DARS1: variants seen among roughly 807,000 people sequenced by gnomAD.
DARS1 encodes the protein aspartyl-tRNA synthetase 1, also known as aspartate--tRNA ligase, cytoplasmic.
A neutral mutation model predicts 68.8 loss-of-function variants in DARS1; 51 were observed. The ratio of observed to expected loss-of-function variants is 0.74; its 90% CI spans 0.59 to 0.94. DARS1 has a LOEUF of 0.94. Among genes scored for constraint, DARS1 ranks in the 40% least tolerant of loss-of-function variants. The pLI is 0.00. For synonymous variants in DARS1, 203 were observed against 190.4 expected, an observed-to-expected ratio of 1.07 and a Z score of -0.55; for missense variants, 607 against 597.3, an observed-to-expected ratio of 1.02 and a Z score of -0.17.
At chr2:135,959,183 G>C (rs1682043068) in intron 4 of DARS1, among the ~76,000 whole-genome samples, 2 of 151,716 alleles carry the variant, frequency 1.3e-5, no homozygotes, top group South Asian at 4.2e-4. Flanking sequence ...CCTGAGGTTG[G>C]GAGTTCAAGA....
At chr2:135,985,209 C>G in intron 1 of DARS1, 194 bp downstream of exon 1, 1 of 894,062 alleles carries the variant, frequency 1.1e-6, no homozygotes, top group Non-Finnish European at 1.6e-6. Context: ...AGGTGACCCC[C>G]GCAAGAAACG....
intron 1 of DARS1, among the ~76,000 whole-genome samples, chr2:135,984,753 C>T (rs933088467): frequency 1.3e-5 from 2 of 152,126 alleles, no homozygotes; most frequent in Admixed American, 6.5e-5. Context: ...GCACACATAA[C>T]TTGTAGGATG....
intron 5 of DARS1, among the ~76,000 whole-genome samples, chr2:135,938,032 C>T (rs960709199): frequency 2.6e-5 from 4 of 152,142 alleles, no homozygotes; most frequent in African/African-American, 9.7e-5. Context: ...TGAATGTTGG[C>T]CTGCCTTGCT....
chr2:135,975,375 G>C (rs957380439), intron 3 of DARS1, among the ~76,000 whole-genome samples: 1 of 151,550 alleles, frequency 6.6e-6, no homozygotes, highest in Non-Finnish European at 1.5e-5. Context: ...AAACCTATAC[G>C]CACAGACATG....
chr2:135,932,627 G>A (rs538776518), intron 7 of DARS1, among the ~76,000 whole-genome samples, 156 bp downstream of exon 7: 1 of 152,174 alleles, frequency 6.6e-6, no homozygotes, highest in African/African-American at 2.4e-5. Flanking sequence ...TTCTTTTTAG[G>A]GGAAGGGTCA....
At position 135,907,270 on chromosome 2, in the gene DARS1, G is replaced by A. The variant is rs777720339; in HGVS notation, c.*46C>T. The A allele has an allele frequency of 4.6e-6, 4 of 860,814 alleles. No individual in the cohort carries two copies. The South Asian group carries it at 6.3e-5, about 14-fold the overall frequency. The allele number at this position is 860,814 out of a possible 1,614,324, so 53.3% of individuals were successfully genotyped here. On this transcript the variant is annotated 3_prime_UTR_variant, in exon 16 of 16. Transcript: ENST00000264161. ...TTTTTTTTTTTTTTTTTGAGGCAGG[G>A]TCTCGCTCTGTCATCCACACTGGAG...
At chr2:135,950,235 T>C (rs1424965855) in intron 4 of DARS1, among the ~76,000 whole-genome samples, 4 of 152,178 alleles carry the variant, frequency 2.6e-5, no homozygotes, top group African/African-American at 7.2e-5. Context: ...AAACGAAACA[T>C]CTTGAAAATA....
intron 4 of DARS1, among the ~76,000 whole-genome samples, chr2:135,949,159 G>A (rs1681788651): frequency 6.6e-6 from 1 of 152,048 alleles, no homozygotes; most frequent in Non-Finnish European, 1.5e-5. Context: ...CTCTATGTTT[G>A]GGGAGAGTGG....
chr2:135,922,000 T>C (rs1681117493), intron 9 of DARS1, among the ~76,000 whole-genome samples: 1 of 152,220 alleles, frequency 6.6e-6, no homozygotes, highest in African/African-American at 2.4e-5. Flanking sequence ...ATATATAAAA[T>C]AACTTGGTAA....
At position 135,958,099 on chromosome 2, in the gene DARS1, C is replaced by T. The variant is rs1437083130; in HGVS notation, c.320+3297G>A. ...TTGAGGTAGAGTCAGGATATTTCAG[C>T]TTCACAATTAACCAAAATTCTGCAA... On this transcript the variant is annotated intron_variant, in intron 4 of 15. Transcript: ENST00000264161. 2.6e-5 allele frequency among the ~76,000 whole-genome samples: 4 copies of T among 152,096 alleles called. No homozygotes were observed. In the East Asian group the frequency reaches 7.7e-4, roughly 29 times the overall value.
chr2:135,957,212 A>G (rs1681995728), intron 4 of DARS1, among the ~76,000 whole-genome samples: 1 of 151,022 alleles, frequency 6.6e-6, no homozygotes, highest in Non-Finnish European at 1.5e-5. Context: ...CTACAGGTGC[A>G]TGCAGCCATA....
chr2:135,973,561 T>C (rs1421532085), intron 3 of DARS1, among the ~76,000 whole-genome samples: 3 of 151,716 alleles, frequency 2.0e-5, no homozygotes, highest in East Asian at 3.9e-4. Flanking sequence ...TAAAAATAAC[T>C]AAAAGAATGA....
intron 4 of DARS1, among the ~76,000 whole-genome samples, chr2:135,959,271 G>A (rs2104832061): frequency 6.6e-6 from 1 of 151,780 alleles, no homozygotes; most frequent in Admixed American, 6.6e-5. Flanking sequence ...GCATATGCCT[G>A]TAATCCCAGC....
At chr2:135,913,955 A>C (rs1311142217) in intron 12 of DARS1, among the ~76,000 whole-genome samples, 1 of 152,194 alleles carries the variant, frequency 6.6e-6, no homozygotes, top group Non-Finnish European at 1.5e-5. Flanking sequence ...CAGTAGGAGG[A>C]GCTCAAGGAC....
chr2:135,979,501 A>G (rs1682575473), intron 2 of DARS1, 135 bp from the exon 3 acceptor site: 3 of 602,908 alleles, frequency 5.0e-6, no homozygotes, highest in Admixed American at 2.9e-5. Flanking sequence ...CTTTGACAAC[A>G]CTGTCTTCTC....
intron 3 of DARS1, among the ~76,000 whole-genome samples, chr2:135,969,318 G>T (rs561059716): frequency 4.3e-4 from 66 of 152,228 alleles, no homozygotes; most frequent in African/African-American, 1.6e-3. Context: ...GTGTGTGGGT[G>T]TGTATGTGCA....
chr2:135,971,401 TA>T (rs548830267), intron 3 of DARS1, among the ~76,000 whole-genome samples: 1 of 152,022 alleles, frequency 6.6e-6, no homozygotes, highest in South Asian at 2.1e-4. Context: ...CCCTTCATGA[TA>T]AAAACCCCCC....
chr2:135,958,681 CCAA>C (rs1682031502), intron 4 of DARS1, among the ~76,000 whole-genome samples: 1 of 152,110 alleles, frequency 6.6e-6, no homozygotes, highest in Non-Finnish European at 1.5e-5. Context: ...TCATTTTTTG[CCAA>C]CGAGTCTTAG....
chr2:135,965,225 CTAAGTT>C (rs1480304394), intron 3 of DARS1, among the ~76,000 whole-genome samples: 1 of 152,094 alleles, frequency 6.6e-6, no homozygotes, highest in East Asian at 1.9e-4. Context: ...GGAAAACTTT[CTAAGTT>C]TAAGAATGAA....
Sources: allele counts gnomAD v4.1 joint callset (sites outside exome capture counted in the v4.1 genomes callset), GRCh38; gene constraint gnomAD v4.1.1; transcripts MANE v1.5; gene names NCBI Gene and HGNC (gene_info 2026-07-23, HGNC 2026-07-21).